The following RBM25 variants were observed in gnomAD, a reference collection of about 807,000 sequenced individuals.
The protein encoded by RBM25 is RNA binding motif protein 25.
RBM25 carries 19 observed loss-of-function variants against 120.7 expected under a neutral mutation model. That is an observed-to-expected ratio of 0.16 (90% CI 0.11 to 0.23). The LOEUF (loss-of-function observed/expected upper bound fraction) is 0.23, where lower values mean the gene tolerates loss of function less well. RBM25 is among the 10% of genes least tolerant of loss of function. The pLI, the probability that RBM25 is intolerant of heterozygous loss-of-function variation, is 1.00. For synonymous variants in RBM25, 390 were observed against 326.7 expected, an observed-to-expected ratio of 1.19 and a Z score of -2.09; for missense variants, 605 against 1,041.5, an observed-to-expected ratio of 0.58 and a Z score of 5.77.
At position 73,096,922 on chromosome 14, in the gene RBM25, G is replaced by A. The variant is rs1468097139; in HGVS notation, c.551G>A (p.Arg184Lys). ...AKKKASNGNARPETVTNDDEE... is the reference protein window; with the variant it reads ...AKKKASNGNAKPETVTNDDEE... ...TTTGCTGTTTTGTTTAAGAATGCAAGGCCAGAAACTGTCACTAATGACGAT... is the reference window on the plus strand; with the variant it reads ...TTTGCTGTTTTGTTTAAGAATGCAAAGCCAGAAACTGTCACTAATGACGAT... The change falls in exon 7 of 19, where the codon AGG (arginine) becomes AAG (lysine). Residue 184 changes from arginine (R) to lysine (K), a missense_variant. By Grantham distance (26) the Arg-to-Lys change is conservative. Coordinates refer to ENST00000261973, the MANE Select transcript of RBM25 (RefSeq NM_021239.3). 2.2e-5 allele frequency: 35 copies of A among 1,609,208 alleles called. No individual in the cohort carries two copies. Among genetic ancestry groups the A allele is most frequent in the Non-Finnish European group, 2.9e-5 (34 of 1,179,010 alleles).
intron 4 of RBM25, among the ~76,000 whole-genome samples, chr14:73,082,092 G>A (rs1325582840): frequency 6.6e-6 from 1 of 152,110 alleles, no homozygotes; most frequent in East Asian, 1.9e-4. Context: ...TTTGACCTAT[G>A]TGTTTTTGAT....
chr14:73,081,022 A>G (rs1566587195), intron 4 of RBM25, among the ~76,000 whole-genome samples: 1 of 151,702 alleles, frequency 6.6e-6, no homozygotes, highest in African/African-American at 2.4e-5. Flanking sequence ...ACGGGGTTTC[A>G]CCAGGTTTGC....
At chr14:73,101,988 A>G (rs1031993120) in intron 9 of RBM25, 2 of 152,264 alleles carry the variant, frequency 1.3e-5, no homozygotes. Flanking sequence ...AGACTGGCAC[A>G]GCAACTGAAT....
rs950410750 is a variant in RBM25, at chr14:73,086,451, CA to C, written c.383-1546del. Among the ~76,000 whole-genome samples the C allele has an allele frequency of 5.4e-5, 8 of 147,622 alleles. No homozygotes were observed. In the South Asian group the frequency reaches 1.1e-3, roughly 20 times the overall value. On this transcript the variant is annotated intron_variant, in intron 5 of 18. Coordinates refer to ENST00000261973, the MANE Select transcript of RBM25 (RefSeq NM_021239.3). ...GACTCCGTCTAAAAAAAAAAAAAAA[CA>C]AAACAGTGGTTTGGTGTTTGCTTTT...
At chr14:73,115,378 A>G (rs574192212) in intron 18 of RBM25, among the ~76,000 whole-genome samples, 2 of 152,100 alleles carry the variant, frequency 1.3e-5, no homozygotes, top group African/African-American at 4.8e-5. Flanking sequence ...CTCTTCGTTC[A>G]TGTTTTTTCA....
At chr14:73,112,302 T>C in intron 17 of RBM25, 52 bp downstream of exon 17, 1 of 1,460,346 alleles carries the variant, frequency 6.8e-7, no homozygotes, top group Non-Finnish European at 9.1e-7. Context: ...TATTAAAATA[T>C]TAGACACTTC....
intron 7 of RBM25, 32 bp downstream of exon 7, chr14:73,097,132 A>G (rs375730957): frequency 4.8e-6 from 7 of 1,467,224 alleles, no homozygotes; most frequent in South Asian, 1.4e-5. Flanking sequence ...TATCATTTCT[A>G]CCGTTTGTTT....
intron 18 of RBM25, among the ~76,000 whole-genome samples, chr14:73,117,902 A>G (rs1594940142): frequency 6.6e-6 from 1 of 152,106 alleles, no homozygotes; most frequent in African/African-American, 2.4e-5. Flanking sequence ...AGAGTAGGCC[A>G]TTTCACCTCA....
At chr14:73,112,875 C>T (rs996875748) in intron 17 of RBM25, among the ~76,000 whole-genome samples, 5 of 152,084 alleles carry the variant, frequency 3.3e-5, no homozygotes, top group Non-Finnish European at 4.4e-5. Context: ...GCAATCATGG[C>T]TCACTGCAGC....
At chr14:73,117,049 C>G (rs550709450) in intron 18 of RBM25, among the ~76,000 whole-genome samples, 1 of 152,116 alleles carries the variant, frequency 6.6e-6, no homozygotes, top group East Asian at 1.9e-4. Context: ...GTGCCTACAT[C>G]TCTCTGAAGT....
chr14:73,072,205 C>T (rs1895310779), intron 2 of RBM25, among the ~76,000 whole-genome samples: 1 of 152,012 alleles, frequency 6.6e-6, no homozygotes. Flanking sequence ...CTCTTGGCCT[C>T]AAATGATCTG....
intron 5 of RBM25, among the ~76,000 whole-genome samples, chr14:73,085,650 G>A (rs1456466698): frequency 6.6e-6 from 1 of 151,236 alleles, no homozygotes; most frequent in African/African-American, 2.4e-5. Context: ...TTTTGCCCTG[G>A]TTGCCAGGCA....
chr14:73,088,513 TA>T, intron 6 of RBM25: 2 of 410,110 alleles, frequency 4.9e-6, no homozygotes, highest in South Asian at 1.8e-5. Flanking sequence ...CAATTTTTAT[TA>T]GTTTCCCTCT....
intron 10 of RBM25, among the ~76,000 whole-genome samples, chr14:73,103,946 T>TCA (rs1566597468): frequency 4.6e-4 from 20 of 43,942 alleles, no homozygotes; most frequent in Non-Finnish European, 7.9e-4. Context: ...TCTCTCTCTC[T>TCA]CTCACACACA....
Position 73,069,264 on chromosome 14 carries a change from C to T in RBM25, c.-15-2363C>T, listed in dbSNP as rs56896571. On this transcript the variant is annotated intron_variant, in intron 1 of 18. Coordinates refer to ENST00000261973, the MANE Select transcript of RBM25 (RefSeq NM_021239.3). ...GCAATTATAACGAGGGAGAAATTCA[C>T]ATGATGTGATTGGTTGTAGAAAAAT... Among the ~76,000 whole-genome samples the T allele has an allele frequency of 4.4e-3, 665 of 152,254 alleles. 3 individuals are homozygous for T. The highest frequency in any genetic ancestry group is 0.015 in the African/African-American group (637 of 41,532).
chr14:73,078,399 G>GAGAAT (rs772780090), intron 4 of RBM25, among the ~76,000 whole-genome samples: 18 of 152,132 alleles, frequency 1.2e-4, no homozygotes, highest in Non-Finnish European at 2.1e-4. Flanking sequence ...TCCGAGGTGG[G>GAGAAT]AGAATTGCTT....
chr14:73,115,153 C>CGTGTGTGTGTGTGTGTGT (rs33924709), intron 18 of RBM25, among the ~76,000 whole-genome samples: 6 of 146,790 alleles, frequency 4.1e-5, no homozygotes, highest in South Asian at 2.2e-4. Flanking sequence ...GGAACTGATA[C>CGTGTGTGTGTGTGTGTGT]GTGTGTGTGT....
chr14:73,114,281 T>G lies in RBM25; in HGVS notation c.2392-5T>G, dbSNP rs1896377227. The G allele has an allele frequency of 6.5e-7, 1 of 1,538,828 alleles. No individual in the cohort carries two copies. Among genetic ancestry groups the G allele is most frequent in the Admixed American group, 2.0e-5 (1 of 49,562 alleles). On this transcript the variant is annotated splice_polypyrimidine_tract_variant and splice_region_variant and intron_variant, in intron 17 of 18. Transcript: ENST00000261973. ...TTTAATGTGACAATTATTTTTCTCT[T>G]TTAGGTTATGGCTCATAGTTCACCC... is the stretch of plus-strand genomic sequence containing the variant.
At chr14:73,076,227 A>G in intron 2 of RBM25, 92 bp from the exon 3 acceptor site, 1 of 1,019,812 alleles carries the variant, frequency 9.8e-7, no homozygotes, top group Non-Finnish European at 1.5e-6. Flanking sequence ...ATTTCCACTT[A>G]TGTTAATTAT....
Sources: gnomAD v4.1 joint callset for allele counts (sites outside exome capture counted in the v4.1 genomes callset) on GRCh38, gnomAD v4.1.1 for gene constraint, MANE v1.5 for transcripts, NCBI Gene and HGNC (gene_info 2026-07-23, HGNC 2026-07-21) for gene names.